RFC1: variants seen among roughly 807,000 people sequenced by gnomAD.
The protein encoded by RFC1 is replication factor C subunit 1, also known as A1 140 kDa subunit.
A neutral mutation model predicts 137.4 loss-of-function variants in RFC1; 37 were observed. The ratio of observed to expected loss-of-function variants is 0.27; its 90% confidence interval spans 0.21 to 0.35. RFC1 has a LOEUF of 0.35. RFC1 is among the 10% of genes least tolerant of loss of function. The pLI, the probability that RFC1 is intolerant of heterozygous loss-of-function variation, is 1.00. For synonymous variants in RFC1, 429 were observed against 455.7 expected, an observed-to-expected ratio of 0.94 and a Z score of 0.75; for missense variants, 1,205 against 1,358.5, an observed-to-expected ratio of 0.89 and a Z score of 1.78.
chr4:39,359,618 C>T (rs1741648815), intron 1 of RFC1, among the ~76,000 whole-genome samples: 1 of 151,850 alleles, frequency 6.6e-6, no homozygotes, highest in South Asian at 2.1e-4. Flanking sequence ...GTCAGGAGAT[C>T]GAGACCATCA....
rs962957705 is a variant in RFC1 at position 39,297,700 on chromosome 4, C to T, written c.2809-1941G>A. On this transcript the variant is annotated intron_variant, in intron 21 of 24. Transcript: ENST00000349703. ...GTTCCAATTTTAGTATATGTGCTGC[C>T]GAAGCGAGCACTTCACTTTCTTAAA... is the stretch of plus-strand genomic sequence containing the variant. 3.9e-5 allele frequency: 6 copies of T among 152,420 alleles called. No homozygotes were observed. The South Asian group carries it at 6.2e-4, about 16-fold the overall frequency. The allele number at this position is 152,420 out of a possible 1,614,324, so 9.4% of individuals were successfully genotyped here.
Position 39,312,793 on chromosome 4 carries a change from G to A in RFC1, c.1342C>T (p.Leu448Phe). Residue 448 changes from leucine to phenylalanine, a missense_variant, in exon 11 of 25, where the codon CTT becomes TTT. By Grantham distance (22) the Leu-to-Phe change is conservative. Coordinates refer to ENST00000349703, the MANE Select transcript of RFC1 (RefSeq NM_002913.5). ...TGNVSKKTNY[L>F]VMGRDSGQSK... ...TGTCCACTATCACGACCCATGACAA[G>A]ATAATTTGTTTTCTTGCTGACATTT... The A allele has an allele frequency of 6.2e-7, 1 of 1,614,112 alleles. No individual in the cohort carries two copies. The highest frequency in any genetic ancestry group is 8.5e-7 in the Non-Finnish European group (1 of 1,180,000).
chr4:39,288,533 C>T lies in RFC1; in HGVS notation c.*228G>A, dbSNP rs1368218955. ...TCAGAAGCACGTCTAACTAGATTGA[C>T]AGAGGACAGTGGAGGACCCAAGCAG... On this transcript the variant is annotated 3_prime_UTR_variant, in exon 25 of 25. Coordinates refer to ENST00000349703, the MANE Select transcript of RFC1 (RefSeq NM_002913.5). 5.0e-6 allele frequency: 2 copies of T among 400,918 alleles called. No homozygotes were observed. 24.8% of individuals were successfully genotyped at this position (400,918 alleles called of 1,614,324 possible).
rs765201139 is a variant in RFC1, at chr4:39,300,055, C to T, written c.2774G>A (p.Arg925Gln). Residue 925 changes from arginine (R) to glutamine (Q), a missense_variant, in exon 21 of 25, where the codon CGG becomes CAG. By Grantham distance (43) the Arg-to-Gln change is conservative (BLOSUM62 1). Coordinates refer to ENST00000349703, the MANE Select transcript of RFC1 (RefSeq NM_002913.5). ...CDGDLVDSQI[R>Q]SKQNWSLLPA... is the part of the protein sequence containing the mutation. ...CAGAAGACTCCAGTTTTGCTTACTCCGGATCTGGCTGTCCACTAGGTCACC... is the reference window on the plus strand; with the variant it reads ...CAGAAGACTCCAGTTTTGCTTACTCTGGATCTGGCTGTCCACTAGGTCACC... 6 of 1,613,984 alleles carry T rather than the reference C, an allele frequency of 3.7e-6. No individual in the cohort carries two copies. Among genetic ancestry groups the T allele is most frequent in the South Asian group, 1.1e-5 (1 of 91,080 alleles).
chr4:39,298,307 CAAAAAAAAAA>C (rs55727769), intron 21 of RFC1, among the ~76,000 whole-genome samples: 1 of 111,218 alleles, frequency 9.0e-6, no homozygotes, highest in Non-Finnish European at 1.8e-5. Flanking sequence ...GACCTTGTCT[CAAAAAAAAAA>C]AAAAAAAAAA....
chr4:39,348,404 C>G (rs191673338), intron 2 of RFC1, among the ~76,000 whole-genome samples: 3 of 87,580 alleles, frequency 3.4e-5, no homozygotes, highest in Admixed American at 1.1e-4. Context: ...GTCTGGGCAA[C>G]AGAGCAAGAC....
At chr4:39,318,336 A>AT in intron 9 of RFC1, among the ~76,000 whole-genome samples, 1 of 152,338 alleles carries the variant, frequency 6.6e-6, no homozygotes, top group East Asian at 1.9e-4. Flanking sequence ...CCCACACCAC[A>AT]TTCCCTGGGA....
At position 39,295,618 on chromosome 4, in the gene RFC1, G is replaced by A; in HGVS notation, c.2950C>T (p.Leu984Phe). The change falls in exon 22 of 25, where the codon CTC (leucine) becomes TTC (phenylalanine). Residue 984 changes from leucine to phenylalanine, a missense_variant. By Grantham distance (22) the Leu-to-Phe change is conservative. Around this residue, in one of 3 missense-constraint regions of RFC1, gnomAD observed 237 missense variants for 304.2 expected, o/e 0.78. Transcript: ENST00000349703. ...AAACAGAGTAATCCCACCTACCTGAGACTCATATGCAAGGCCAGGTCCTGA... is the reference window on the plus strand; with the variant it reads ...AAACAGAGTAATCCCACCTACCTGAAACTCATATGCAAGGCCAGGTCCTGA... Reference protein sequence around the residue: ...IVQDLALHMSLRTYSSKRTVN... With the variant: ...IVQDLALHMSFRTYSSKRTVN... 2 of 1,605,992 alleles carry A rather than the reference G, an allele frequency of 1.2e-6. No individual in the cohort carries two copies. Among genetic ancestry groups the A allele is most frequent in the Non-Finnish European group, 1.7e-6 (2 of 1,175,730 alleles).
intron 3 of RFC1, among the ~76,000 whole-genome samples, chr4:39,343,199 T>C (rs1033188034): frequency 3.3e-5 from 5 of 152,126 alleles, no homozygotes; most frequent in African/African-American, 1.2e-4. Flanking sequence ...ATTTTTGTAT[T>C]TTTAGTAGAG....
intron 10 of RFC1, 79 bp downstream of exon 10, chr4:39,316,836 C>T (rs567837576): frequency 1.9e-5 from 15 of 808,284 alleles, no homozygotes; most frequent in Non-Finnish European, 3.1e-5. Context: ...TCCTCTGCTG[C>T]TATAATCATC....
chr4:39,365,998 A>G (rs1008840591), intron 1 of RFC1, among the ~76,000 whole-genome samples: 1 of 152,134 alleles, frequency 6.6e-6, no homozygotes, highest in African/African-American at 2.4e-5. Flanking sequence ...GCGGGGGGAA[A>G]GTGCAAGTAC....
At chr4:39,351,592 A>T in intron 1 of RFC1, 116 bp from the exon 2 acceptor site, 1 of 807,830 alleles carries the variant, frequency 1.2e-6, no homozygotes, top group South Asian at 2.1e-5. Flanking sequence ...TAATTTTTCC[A>T]TACCAAGATA....
In RFC1 at chr4:39,304,841, T is replaced by A; in HGVS notation, c.2083A>T (p.Asn695Tyr). ...GAATAAAAGCCTTTGATGCTGGTAT[T>A]GTTCAGTGACTCAGCAACAATCGCC... is the stretch of plus-strand genomic sequence containing the variant. Reference protein sequence around the residue: ...LKAIVAESLNNTSIKGFYSNG... With the variant: ...LKAIVAESLNYTSIKGFYSNG... The change falls in exon 15 of 25, where the codon AAT becomes TAT. Residue 695 changes from asparagine (N) to tyrosine (Y), a missense_variant. By Grantham distance (143) the Asn-to-Tyr change is moderately radical. This residue lies in a region of RFC1 where 962 missense variants were observed against 1,035.3 expected (regional missense o/e 0.93). Transcript: ENST00000349703. 1 of 1,610,848 alleles carries A rather than the reference T, an allele frequency of 6.2e-7. No homozygotes were observed. The highest frequency in any genetic ancestry group is 8.5e-7 in the Non-Finnish European group (1 of 1,177,048).
At chr4:39,338,608 AG>A (rs1740467751) in intron 4 of RFC1, among the ~76,000 whole-genome samples, 1 of 152,142 alleles carries the variant, frequency 6.6e-6, no homozygotes, top group Non-Finnish European at 1.5e-5. Flanking sequence ...TTTTTTGTGT[AG>A]GAAGTCTTTG....
intron 1 of RFC1, among the ~76,000 whole-genome samples, chr4:39,365,082 T>C (rs545708105): frequency 8.0e-4 from 115 of 143,850 alleles, no homozygotes; most frequent in South Asian, 1.5e-3. Flanking sequence ...CTACTAGTTA[T>C]ATGATACACT....
intron 15 of RFC1, among the ~76,000 whole-genome samples, chr4:39,304,431 T>C (rs1482194557): frequency 6.6e-6 from 1 of 152,226 alleles, no homozygotes; most frequent in African/African-American, 2.4e-5. Context: ...CTGGCCTTAT[T>C]ACCTCACTCT....
chr4:39,295,287 G>C (rs1008557503), intron 22 of RFC1, among the ~76,000 whole-genome samples: 1 of 152,144 alleles, frequency 6.6e-6, no homozygotes, highest in African/African-American at 2.4e-5. Flanking sequence ...TTATTCTGAA[G>C]CTGCGAAGCT....
At chr4:39,354,678 C>T (rs1741370025) in intron 1 of RFC1, among the ~76,000 whole-genome samples, 1 of 138,608 alleles carries the variant, frequency 7.2e-6, no homozygotes. Flanking sequence ...AGGTACCAGA[C>T]AGGCTGAGAC....
At chr4:39,351,259 A>T in intron 2 of RFC1, 89 bp downstream of exon 2, 1 of 65,712 alleles carries the variant, frequency 1.5e-5, no homozygotes, top group South Asian at 2.5e-4. Flanking sequence ...TCAGGAAAAA[A>T]AAAAAAAAAA....
Sources: allele counts gnomAD v4.1 joint callset (sites outside exome capture counted in the v4.1 genomes callset), GRCh38; gene constraint gnomAD v4.1.1; regional missense constraint gnomAD v4.1.1; transcripts MANE v1.5; gene names NCBI Gene and HGNC (gene_info 2026-07-23, HGNC 2026-07-21).